ACTR3C: variants seen among roughly 807,000 people sequenced by gnomAD.
ACTR3C encodes the protein actin related protein 3C, also known as actin-related protein 3C.
In ACTR3C, 18 loss-of-function variants were observed where a neutral mutation model predicts 26.3. That is an observed-to-expected ratio of 0.68 (90% CI 0.47 to 1.01). The LOEUF (loss-of-function observed/expected upper bound fraction) is 1.01. Among genes scored for constraint, ACTR3C ranks in the 50% least tolerant of loss-of-function variants. ACTR3C has a pLI of 0.00. For missense variants in ACTR3C, 184 were observed against 250.7 expected (o/e 0.73, Z 1.80); for synonymous variants, 55 against 94.5 (o/e 0.58, Z 2.42).
the ACTR3C span, among the ~76,000 whole-genome samples, chr7:150,230,999 C>T: frequency 1.3e-5 from 2 of 151,928 alleles, no homozygotes; most frequent in Admixed American, 6.6e-5. Flanking sequence ...AATTTCTGCT[C>T]TAATTTTTTT....
At chr7:150,110,766 G>C in the ACTR3C span, among the ~76,000 whole-genome samples, 1 of 143,172 alleles carries the variant, frequency 7.0e-6, no homozygotes, top group South Asian at 2.3e-4. Context: ...GGCTTGCTGG[G>C]GGACTGGCTC....
At chr7:150,258,448 G>A (rs1166653525) in intron 6 of ACTR3C, among the ~76,000 whole-genome samples, 3 of 151,442 alleles carry the variant, frequency 2.0e-5, no homozygotes, top group African/African-American at 4.8e-5. Flanking sequence ...CAGCTTTGGA[G>A]CACAGAGGGC....
At chr7:150,105,854 C>T in the ACTR3C span, among the ~76,000 whole-genome samples, 2 of 151,982 alleles carry the variant, frequency 1.3e-5, no homozygotes. Flanking sequence ...TCTGTAGGGA[C>T]ATTTTATGAA....
chr7:150,204,824 G>A, the ACTR3C span, among the ~76,000 whole-genome samples: 1 of 150,408 alleles, frequency 6.6e-6, no homozygotes, highest in African/African-American at 2.5e-5. Context: ...GAGGAGGAGC[G>A]AGGAACAGGC....
the ACTR3C span, among the ~76,000 whole-genome samples, chr7:150,049,501 C>G: frequency 6.6e-6 from 1 of 152,246 alleles, no homozygotes; most frequent in South Asian, 2.1e-4. Context: ...CTCCCTGCTC[C>G]TTCCGGGTTT....
chr7:150,155,737 A>T, the ACTR3C span, among the ~76,000 whole-genome samples: 1 of 135,444 alleles, frequency 7.4e-6, no homozygotes, highest in Non-Finnish European at 1.6e-5. Context: ...TGACAAGCAA[A>T]CCTCAAAAAG....
At chr7:150,256,663 C>G (rs1201534653) in intron 6 of ACTR3C, among the ~76,000 whole-genome samples, 1 of 152,112 alleles carries the variant, frequency 6.6e-6, no homozygotes, top group Non-Finnish European at 1.5e-5. Context: ...CTACTATGCT[C>G]ACTACCCGCG....
chr7:150,321,954 G>A (rs1024699535), intron 1 of ACTR3C, among the ~76,000 whole-genome samples: 1 of 152,186 alleles, frequency 6.6e-6, no homozygotes, highest in Non-Finnish European at 1.5e-5. Flanking sequence ...CCAGCCCCTT[G>A]AATATGTCCA....
chr7:150,175,509 T>C, the ACTR3C span, among the ~76,000 whole-genome samples: 2 of 149,764 alleles, frequency 1.3e-5, no homozygotes, highest in Non-Finnish European at 2.9e-5. Flanking sequence ...AATTATTATA[T>C]ATAGCATTGA....
At chr7:150,238,833 C>A in the ACTR3C span, among the ~76,000 whole-genome samples, 1 of 147,108 alleles carries the variant, frequency 6.8e-6, no homozygotes, top group Admixed American at 6.7e-5. Flanking sequence ...TTGTATTTGT[C>A]TGATTATATG....
the ACTR3C span, among the ~76,000 whole-genome samples, chr7:150,048,163 G>A: frequency 1.3e-5 from 2 of 152,030 alleles, no homozygotes; most frequent in African/African-American, 4.8e-5. Flanking sequence ...GCCACGTACG[G>A]CCTAATCAAA....
the ACTR3C span, among the ~76,000 whole-genome samples, chr7:150,183,696 CAAAAAAA>C: frequency 1.2e-4 from 6 of 48,034 alleles, no homozygotes; most frequent in South Asian, 7.1e-4. Context: ...GTGGCTATGG[CAAAAAAA>C]AAAAAAAAAA....
At chr7:150,169,377 C>T in the ACTR3C span, among the ~76,000 whole-genome samples, 1 of 112,760 alleles carries the variant, frequency 8.9e-6, no homozygotes, top group African/African-American at 3.8e-5. Context: ...AGTGAGACTC[C>T]ATTTCAAAAG....
the ACTR3C span, among the ~76,000 whole-genome samples, chr7:149,946,950 C>T: frequency 0.095 from 14,029 of 147,806 alleles, 2,432 homozygotes; most frequent in African/African-American, 0.35. Context: ...AGCCGCCTTC[C>T]CCCAATGAGC....
the ACTR3C span, among the ~76,000 whole-genome samples, chr7:149,896,034 CAAAAAAAA>C: frequency 4.8e-5 from 4 of 83,088 alleles, no homozygotes; most frequent in Admixed American, 5.8e-4. Flanking sequence ...CCTGTCTCTA[CAAAAAAAA>C]AAAAAAAAAA....
chr7:150,043,443 T>A, the ACTR3C span, among the ~76,000 whole-genome samples: 84 of 151,968 alleles, frequency 5.5e-4, no homozygotes, highest in Non-Finnish European at 6.3e-4. Flanking sequence ...GAGTCAGCTT[T>A]TTTGCTTCTT....
the ACTR3C span, among the ~76,000 whole-genome samples, chr7:149,968,762 C>T: frequency 3.3e-5 from 5 of 152,110 alleles, no homozygotes; most frequent in Admixed American, 2.0e-4. Context: ...GATCACTCTG[C>T]AGCTTGTTCC....
At chr7:149,896,888 C>T in the ACTR3C span, among the ~76,000 whole-genome samples, 24 of 151,788 alleles carry the variant, frequency 1.6e-4, no homozygotes, top group Non-Finnish European at 3.5e-4. Context: ...GGTGAAACCT[C>T]ATCTCTCCTT....
intron 1 of ACTR3C, among the ~76,000 whole-genome samples, chr7:150,310,867 CA>C (rs1696392281): frequency 6.6e-6 from 1 of 152,212 alleles, no homozygotes. Context: ...CCTACTTCTT[CA>C]ACACCTCTAC....
Sources: gnomAD v4.1 joint callset for allele counts (sites outside exome capture counted in the v4.1 genomes callset) on GRCh38, gnomAD v4.1.1 for gene constraint, MANE v1.5 for transcripts, NCBI Gene and HGNC (gene_info 2026-07-23, HGNC 2026-07-21) for gene names.